Variants in CLTCL1 observed in about 807,000 individuals in gnomAD.
CLTCL1 encodes the protein clathrin heavy chain 2.
A neutral mutation model predicts 190.0 loss-of-function variants in CLTCL1; 159 were observed. That is an observed-to-expected ratio of 0.84 (90% confidence interval 0.74 to 0.95). The LOEUF is 0.95. Ranked by LOEUF, CLTCL1 falls within the 40% of genes least tolerant of loss-of-function variation. The probability of loss-of-function intolerance (pLI) is 0.00; values close to 1 mark genes in which losing one functional copy is unlikely to be tolerated. For missense variants in CLTCL1, 1,878 were observed against 2,033.4 expected, an observed-to-expected ratio of 0.92 and a Z score of 1.47; for synonymous variants, 752 against 769.6, an observed-to-expected ratio of 0.98 and a Z score of 0.38.
intron 4 of CLTCL1, among the ~76,000 whole-genome samples, chr22:19,241,825 AGCCTCCCTGAGGC>A (rs1437774869): frequency 4.9e-4 from 75 of 152,036 alleles, no homozygotes; most frequent in African/African-American, 1.8e-3. Context: ...ATCTCTCTGG[AGCCTCCCTGAGGC>A]GCCTCCCAAC....
At chr22:19,234,061 C>A (rs1411116399) in intron 7 of CLTCL1, among the ~76,000 whole-genome samples, 1 of 152,134 alleles carries the variant, frequency 6.6e-6, no homozygotes, top group Non-Finnish European at 1.5e-5. Context: ...AGTCTCTGAA[C>A]AATTTATCCA....
At chr22:19,184,607 C>T in intron 29 of CLTCL1, 1 of 455,008 alleles carries the variant, frequency 2.2e-6, no homozygotes, top group Non-Finnish European at 4.4e-6. Context: ...CTTTGAGGAC[C>T]TGTGACGCCC....
intron 27 of CLTCL1, among the ~76,000 whole-genome samples, chr22:19,189,473 A>G (rs1328279809): frequency 6.6e-6 from 1 of 152,228 alleles, no homozygotes; most frequent in Non-Finnish European, 1.5e-5. Flanking sequence ...AACAATGTTC[A>G]CAGCATCTGC....
intron 2 of CLTCL1, among the ~76,000 whole-genome samples, chr22:19,267,747 T>C (rs2087165503): frequency 6.6e-6 from 1 of 151,972 alleles, no homozygotes; most frequent in Admixed American, 6.6e-5. Context: ...TACAAAAAAC[T>C]AGCCAGGCAT....
chr22:19,259,386 G>A (rs1486284278), intron 2 of CLTCL1, among the ~76,000 whole-genome samples: 3 of 151,644 alleles, frequency 2.0e-5, no homozygotes, highest in Admixed American at 6.6e-5. Flanking sequence ...GATTACAGGC[G>A]TTTTTTTTGT....
chr22:19,208,873 G>T (rs1555944572), intron 21 of CLTCL1, 49 bp downstream of exon 21: 2 of 1,456,800 alleles, frequency 1.4e-6, no homozygotes, highest in African/African-American at 2.8e-5. Flanking sequence ...CTTCAGCCAG[G>T]TTTTGCATCA....
chr22:19,270,883 G>C (rs2087293776), intron 2 of CLTCL1, among the ~76,000 whole-genome samples: 1 of 152,028 alleles, frequency 6.6e-6, no homozygotes, highest in South Asian at 2.1e-4. Flanking sequence ...AGCAGCCTTA[G>C]ATCACAGAGG....
intron 4 of CLTCL1, 130 bp from the exon 5 acceptor site, chr22:19,239,518 C>A: frequency 1.4e-6 from 1 of 711,178 alleles, no homozygotes; most frequent in Non-Finnish European, 2.5e-6. Context: ...CACATTCAAC[C>A]AAAGCAGAAC....
intron 2 of CLTCL1, among the ~76,000 whole-genome samples, chr22:19,274,028 G>A (rs1210400998): frequency 6.6e-6 from 1 of 152,006 alleles, no homozygotes; most frequent in African/African-American, 2.4e-5. Flanking sequence ...CACACCCTAG[G>A]AGCTCCGCAC....
At chr22:19,193,348 A>G (rs2084579428) in intron 26 of CLTCL1, among the ~76,000 whole-genome samples, 1 of 152,194 alleles carries the variant, frequency 6.6e-6, no homozygotes, top group Admixed American at 6.5e-5. Context: ...AGGGACACAC[A>G]TCTCTGTTGG....
At chr22:19,199,864 G>A (rs9605957) in intron 23 of CLTCL1, 23 bp from the exon 24 acceptor site, 829,998 of 1,545,562 alleles carry the variant, frequency 0.54, 224,458 homozygotes, top group East Asian at 0.67. Context: ...GGGCAAGCGT[G>A]AGGGTCCCCA....
chr22:19,268,021 G>A (rs902078590), intron 2 of CLTCL1, among the ~76,000 whole-genome samples: 2 of 151,858 alleles, frequency 1.3e-5, no homozygotes, highest in South Asian at 2.1e-4. Flanking sequence ...AGTAAGTTTT[G>A]CCCTTCAAAA....
chr22:19,198,763 T>A lies in CLTCL1; in HGVS notation c.3873+971A>T, dbSNP rs1445077302. ...CACACTATATAATTATTCATTAGGT[T>A]TGTTGCTTGCCTGCCAACCTTGCTG... On this transcript the variant is annotated intron_variant, in intron 24 of 32. Coordinates refer to ENST00000427926, the MANE Select transcript of CLTCL1 (RefSeq NM_007098.4). The surrounding 1 kb of genome is among the most constrained non-coding windows in gnomAD (Gnocchi z 4.1). Among the ~76,000 whole-genome samples, 1 of 152,242 alleles carries A rather than the reference T, an allele frequency of 6.6e-6. No homozygotes were observed. Among genetic ancestry groups the A allele is most frequent in the Non-Finnish European group, 1.5e-5 (1 of 68,046 alleles).
intron 1 of CLTCL1, among the ~76,000 whole-genome samples, chr22:19,285,873 T>C (rs185967294): frequency 4.6e-5 from 7 of 152,330 alleles, no homozygotes; most frequent in Admixed American, 1.3e-4. Context: ...GATCTGTCTG[T>C]GATCCTATGG....
chr22:19,250,564 T>A (rs111884518), intron 3 of CLTCL1, among the ~76,000 whole-genome samples: 2 of 93,276 alleles, frequency 2.1e-5, no homozygotes, highest in African/African-American at 4.1e-5. Context: ...ACTTTTTTAA[T>A]TTTTTTTTAG....
intron 12 of CLTCL1, 21 bp downstream of exon 12, chr22:19,226,198 G>A (rs781807017): frequency 4.3e-6 from 7 of 1,609,292 alleles, no homozygotes; most frequent in Non-Finnish European, 5.9e-6. Context: ...CATAATAGGA[G>A]TGCCCAGGGG....
At chr22:19,185,573 G>A (rs935077800) in intron 29 of CLTCL1, among the ~76,000 whole-genome samples, 8 of 152,106 alleles carry the variant, frequency 5.3e-5, no homozygotes, top group African/African-American at 9.7e-5. Flanking sequence ...TGATCCGCCC[G>A]CCTCGGCCTC....
chr22:19,239,452 G>A (rs1427460934), intron 4 of CLTCL1, 64 bp from the exon 5 acceptor site: 10 of 1,171,226 alleles, frequency 8.5e-6, no homozygotes, highest in Non-Finnish European at 1.3e-5. Context: ...TGCTAGTCAA[G>A]GCACAGAGGC....
In CLTCL1 at chr22:19,219,899, G is replaced by A. The variant is rs886829659; in HGVS notation, c.2905C>T (p.Gln969Ter). 4 of 1,614,070 alleles carry A rather than the reference G, an allele frequency of 2.5e-6. No homozygotes were observed. The highest frequency in any genetic ancestry group is 3.4e-6 in the Non-Finnish European group (4 of 1,179,908). ...VLEETNPSRRQLIDQVVQTAL... is the reference protein window; with the variant it reads ...VLEETNPSRR The stretch of plus-strand genomic sequence containing the variant: ...CTGTGCCTCACCTGGTCAATTAGCT[G>A]TCTCCTGGATGGGTTGGTCTCCTCA... Residue 969 changes from glutamine to a stop codon, truncating the protein, a stop_gained, in exon 18 of 33, where the codon CAG (glutamine) becomes TAG (stop). Transcript: ENST00000427926. LOFTEE classifies it high-confidence loss of function.
Sources: gnomAD v4.1 joint callset for allele counts (sites outside exome capture counted in the v4.1 genomes callset) on GRCh38, gnomAD v4.1.1 for gene constraint, Gnocchi (gnomAD v3.1) non-coding constraint, MANE v1.5 for transcripts, NCBI Gene and HGNC (gene_info 2026-07-23, HGNC 2026-07-21) for gene names.